Variants in TMEM132C observed in about 807,000 individuals in gnomAD.
The protein encoded by TMEM132C is transmembrane protein 132C, also known as protein phosphatase 1, regulatory subunit 152.
In TMEM132C, 29 loss-of-function variants were observed where a neutral mutation model predicts 61.4. That is an observed-to-expected ratio of 0.47 (90% CI 0.35 to 0.64). The LOEUF is 0.64. Ranked by LOEUF, TMEM132C falls within the 30% of genes least tolerant of loss-of-function variation. TMEM132C has a pLI of 0.00. For missense variants in TMEM132C, 1,408 were observed against 1,476.9 expected, an observed-to-expected ratio of 0.95 and a Z score of 0.76; for synonymous variants, 656 against 633.1, an observed-to-expected ratio of 1.04 and a Z score of -0.54.
chr12:128,638,763 G>A (rs1001467586), intron 4 of TMEM132C, among the ~76,000 whole-genome samples: 1 of 152,160 alleles, frequency 6.6e-6, no homozygotes, highest in African/African-American at 2.4e-5. Context: ...TGATAGTTGT[G>A]GTGGTTATAA....
At chr12:128,275,762 C>T (rs931931192) in intron 1 of TMEM132C, among the ~76,000 whole-genome samples, 6 of 152,154 alleles carry the variant, frequency 3.9e-5, no homozygotes, top group South Asian at 2.1e-4. Context: ...ATACTTAGCA[C>T]GCTTTATGAA....
At chr12:128,381,218 G>A (rs1056128748) in intron 1 of TMEM132C, among the ~76,000 whole-genome samples, 4 of 152,148 alleles carry the variant, frequency 2.6e-5, no homozygotes, top group Non-Finnish European at 1.5e-5. Flanking sequence ...TCTCTGCACC[G>A]CCTTATTGGG....
chr12:128,538,491 C>T (rs186340986), intron 2 of TMEM132C, among the ~76,000 whole-genome samples: 1 of 152,296 alleles, frequency 6.6e-6, no homozygotes, highest in Non-Finnish European at 1.5e-5. Context: ...AACTCTTGGC[C>T]TCCAGGGATC....
intron 4 of TMEM132C, among the ~76,000 whole-genome samples, chr12:128,658,239 T>A (rs1299161703): frequency 6.6e-6 from 1 of 151,886 alleles, no homozygotes; most frequent in Non-Finnish European, 1.5e-5. Context: ...GGGACGCAGC[T>A]CCCATGGAGG....
At chr12:128,321,178 A>AATG (rs969256364) in intron 1 of TMEM132C, among the ~76,000 whole-genome samples, 5 of 147,304 alleles carry the variant, frequency 3.4e-5, no homozygotes, top group South Asian at 2.1e-4. Context: ...TAATAATAAT[A>AATG]ATGCCAACAT....
At chr12:128,268,470 C>T (rs1289086566) in intron 1 of TMEM132C, among the ~76,000 whole-genome samples, 2 of 152,138 alleles carry the variant, frequency 1.3e-5, no homozygotes, top group Admixed American at 6.5e-5. Context: ...TCCCGGGGCG[C>T]GCCCAGGGCG....
chr12:128,302,791 T>C (rs748626583), intron 1 of TMEM132C, among the ~76,000 whole-genome samples: 7 of 152,240 alleles, frequency 4.6e-5, no homozygotes, highest in Non-Finnish European at 8.8e-5. Context: ...TTTATATAAA[T>C]TGAAGATCCA....
intron 3 of TMEM132C, among the ~76,000 whole-genome samples, chr12:128,556,485 T>C (rs948656867): frequency 6.6e-6 from 1 of 152,178 alleles, no homozygotes; most frequent in African/African-American, 2.4e-5. Context: ...CTCTGTGTTA[T>C]AGGTTGTACT....
rs1954843658 is a variant in TMEM132C at position 128,706,732 on chromosome 12, A to T, written c.*437A>T. The T allele has an allele frequency of 6.5e-6, 1 of 154,400 alleles. No individual in the cohort carries two copies. 9.6% of individuals were successfully genotyped at this position (154,400 alleles called of 1,614,324 possible). A position where few individuals can be genotyped will look rare whatever the true frequency, so the allele number is the denominator to read the frequency against. ...TAAGAGACATTTTCCATTCTAATTC[A>T]CGATTCACTTTTCCAAGGACAGCCT... On this transcript the variant is annotated 3_prime_UTR_variant, in exon 9 of 9. Coordinates refer to ENST00000435159, the MANE Select transcript of TMEM132C (RefSeq NM_001136103.3).
chr12:128,280,612 A>G (rs1870860996), intron 1 of TMEM132C, among the ~76,000 whole-genome samples: 1 of 152,238 alleles, frequency 6.6e-6, no homozygotes, highest in African/African-American at 2.4e-5. Context: ...GAAAGATATT[A>G]TAATGAGGCA....
chr12:128,641,000 C>A lies in TMEM132C; in HGVS notation c.1305+24665C>A, dbSNP rs186066816. 1.6e-4 allele frequency among the ~76,000 whole-genome samples: 24 copies of A among 152,250 alleles called. No homozygotes were observed. In the East Asian group the frequency reaches 3.5e-3, roughly 22 times the overall value. On this transcript the variant is annotated intron_variant, in intron 4 of 8. Coordinates refer to ENST00000435159, the MANE Select transcript of TMEM132C (RefSeq NM_001136103.3). ...GCTAGCTTGGTTTCCAGTACAAATG[C>A]CACACTTGCTGATGAGAAAAGGGCT...
At chr12:128,701,678 C>T (rs1954804628) in intron 8 of TMEM132C, among the ~76,000 whole-genome samples, 1 of 152,146 alleles carries the variant, frequency 6.6e-6, no homozygotes, top group Non-Finnish European at 1.5e-5. Flanking sequence ...TGTCTGTTCA[C>T]CTGCCCTTCA....
intron 2 of TMEM132C, among the ~76,000 whole-genome samples, chr12:128,496,775 G>A (rs549600719): frequency 2.0e-5 from 3 of 152,244 alleles, no homozygotes; most frequent in East Asian, 1.9e-4. Flanking sequence ...CTTTGGGTTC[G>A]AACTTCTTCC....
intron 2 of TMEM132C, among the ~76,000 whole-genome samples, chr12:128,488,140 G>T (rs539588990): frequency 6.6e-6 from 1 of 152,140 alleles, no homozygotes; most frequent in Non-Finnish European, 1.5e-5. Flanking sequence ...TTACCAACTG[G>T]CTGGAAAAAT....
intron 1 of TMEM132C, among the ~76,000 whole-genome samples, chr12:128,394,818 G>A (rs1294711522): frequency 1.3e-5 from 2 of 150,982 alleles, no homozygotes; most frequent in East Asian, 2.0e-4. Context: ...GCCAAATCGG[G>A]TAATAGCAGC....
chr12:128,437,208 A>G (rs567277437), intron 2 of TMEM132C, among the ~76,000 whole-genome samples: 2 of 152,354 alleles, frequency 1.3e-5, no homozygotes, highest in East Asian at 3.9e-4. Flanking sequence ...TGACAAGTTA[A>G]TAGGTACAGC....
chr12:128,686,124 ATGTGTGCATG>A (rs770681946), intron 5 of TMEM132C, among the ~76,000 whole-genome samples: 2 of 129,840 alleles, frequency 1.5e-5, no homozygotes, highest in Non-Finnish European at 3.5e-5. Flanking sequence ...GTGTGCATGT[ATGTGTGCATG>A]TGTGTGCATA....
At chr12:128,445,600 G>C (rs1468949556) in intron 2 of TMEM132C, among the ~76,000 whole-genome samples, 1 of 152,232 alleles carries the variant, frequency 6.6e-6, no homozygotes, top group East Asian at 1.9e-4. Flanking sequence ...TCAGCTCCGC[G>C]GACCATCCCC....
rs369921111 is a variant in TMEM132C at position 128,589,179 on chromosome 12, C to T, written c.1122-26973C>T. 2.5e-3 allele frequency among the ~76,000 whole-genome samples: 384 copies of T among 152,274 alleles called. 2 individuals are homozygous for T. Among genetic ancestry groups the T allele is most frequent in the African/African-American group, 8.4e-3 (347 of 41,534 alleles). ...CTCCCGGCTGGAAAGGAGTCATGCACAGCTCTCCCGATGCAGGACACGAAG... is the reference window on the plus strand; with the variant it reads ...CTCCCGGCTGGAAAGGAGTCATGCATAGCTCTCCCGATGCAGGACACGAAG... On this transcript the variant is annotated intron_variant, in intron 3 of 8. Coordinates refer to ENST00000435159, the MANE Select transcript of TMEM132C (RefSeq NM_001136103.3).
Sources: gnomAD v4.1 joint callset for allele counts (sites outside exome capture counted in the v4.1 genomes callset) on GRCh38, gnomAD v4.1.1 for gene constraint, MANE v1.5 for transcripts, NCBI Gene and HGNC (gene_info 2026-07-23, HGNC 2026-07-21) for gene names.